DGKG: variants seen among roughly 807,000 people sequenced by gnomAD.
The protein encoded by DGKG is DAG kinase gamma.
In DGKG, 78 loss-of-function variants were observed where a neutral mutation model predicts 105.3. The observed-to-expected ratio is 0.74, with a 90% confidence interval of 0.62 to 0.89. The LOEUF (loss-of-function observed/expected upper bound fraction) is 0.89. Ranked by LOEUF, DGKG falls within the 40% of genes least tolerant of loss-of-function variation. The pLI, the probability that DGKG is intolerant of heterozygous loss-of-function variation, is 0.00. For synonymous variants in DGKG, 346 were observed against 367.1 expected (o/e 0.94, Z 0.66); for missense variants, 958 against 1,020.1 (o/e 0.94, Z 0.83).
intron 1 of DGKG, among the ~76,000 whole-genome samples, chr3:186,329,116 C>A (rs190325800): frequency 6.6e-6 from 1 of 152,134 alleles, no homozygotes; most frequent in African/African-American, 2.4e-5. Flanking sequence ...ATTACCACCC[C>A]AAGCATCTTT....
chr3:186,217,828 G>A (rs996929555), intron 20 of DGKG, among the ~76,000 whole-genome samples: 1 of 152,198 alleles, frequency 6.6e-6, no homozygotes, highest in Non-Finnish European at 1.5e-5. Flanking sequence ...GGCTTTTGAA[G>A]TTGTCAAAAC....
intron 2 of DGKG, among the ~76,000 whole-genome samples, chr3:186,318,501 T>C (rs1298289208): frequency 6.6e-6 from 1 of 152,206 alleles, no homozygotes; most frequent in Non-Finnish European, 1.5e-5. Flanking sequence ...TGTGTTGAAG[T>C]TCCATCCCTC....
chr3:186,296,599 G>C (rs897949711), intron 5 of DGKG, among the ~76,000 whole-genome samples: 4 of 152,230 alleles, frequency 2.6e-5, no homozygotes, highest in Non-Finnish European at 5.9e-5. Context: ...TGGGCAGCAG[G>C]CACCACTACA....
At chr3:186,310,281 A>C (rs917369275) in intron 2 of DGKG, among the ~76,000 whole-genome samples, 2 of 149,302 alleles carry the variant, frequency 1.3e-5, no homozygotes, top group African/African-American at 4.9e-5. Context: ...AAAAAAAAAA[A>C]AAAAAAAACC....
At chr3:186,191,862 T>A (rs2284842) in intron 21 of DGKG, among the ~76,000 whole-genome samples, 85 of 152,142 alleles carry the variant, frequency 5.6e-4, no homozygotes, top group African/African-American at 1.9e-3. Context: ...AAACAAAAAC[T>A]GACTCCTTTT....
At position 186,298,080 on chromosome 3, in the gene DGKG, A is replaced by T; in HGVS notation, c.294T>A (p.Ser98Arg). The T allele has an allele frequency of 1.2e-6, 2 of 1,611,552 alleles. No homozygotes were observed. The highest frequency in any genetic ancestry group is 1.7e-6 in the Non-Finnish European group (2 of 1,178,938). ...SDHPTEGASN[S>R]EANSADTNIQ... ...TCTGTGTACCTGCGCTGTTGGCCTC[A>T]CTGTTGCTGGCTCCCTCCGTCGGGT... Residue 98 changes from serine (S) to arginine (R), a missense_variant, in exon 4 of 25, where the codon AGT becomes AGA. Ser to Arg is a moderately radical substitution (Grantham distance 110). Transcript: ENST00000265022.
chr3:186,148,862 G>C lies in DGKG; in HGVS notation c.*1228C>G, dbSNP rs773425963. On this transcript the variant is annotated 3_prime_UTR_variant, in exon 25 of 25. Coordinates refer to ENST00000265022, the MANE Select transcript of DGKG (RefSeq NM_001346.3). ...CGTCCTGACAATGAAACGGTGGAGT[G>C]GGGGAGTGAGAACCTTCTTTTTCCT... The C allele has an allele frequency of 4.1e-6, 4 of 984,408 alleles. No homozygotes were observed. Among genetic ancestry groups the C allele is most frequent in the East Asian group, 1.1e-4 (1 of 8,796 alleles). 61.0% of individuals were successfully genotyped at this position (984,408 alleles called of 1,614,324 possible).
At position 186,229,641 on chromosome 3, in the gene DGKG, A is replaced by G. The variant is rs556757074; in HGVS notation, c.1826+12863T>C. Among the ~76,000 whole-genome samples the G allele has an allele frequency of 1.5e-3, 229 of 152,298 alleles. 2 individuals are homozygous for G. The highest frequency in any genetic ancestry group is 5.3e-3 in the African/African-American group (222 of 41,562). On this transcript the variant is annotated intron_variant, in intron 20 of 24. Transcript: ENST00000265022. ...TTATGGCAGCCCAGGACACTGATAT[A>G]GTTGGTATTAACTTCTGTATGTGCT...
intron 2 of DGKG, among the ~76,000 whole-genome samples, chr3:186,316,032 G>A (rs1724802261): frequency 2.0e-5 from 3 of 152,364 alleles, no homozygotes; most frequent in East Asian, 3.9e-4. Flanking sequence ...GAGAGGCCCT[G>A]GAAGACAAGA....
intron 3 of DGKG, among the ~76,000 whole-genome samples, chr3:186,304,080 G>A (rs1169282720): frequency 1.3e-5 from 2 of 152,194 alleles, no homozygotes; most frequent in South Asian, 2.1e-4. Context: ...AGGCGAGGGC[G>A]GCTGCGTGCT....
chr3:186,330,140 T>C (rs1275787997), intron 1 of DGKG, among the ~76,000 whole-genome samples: 1 of 152,196 alleles, frequency 6.6e-6, no homozygotes, highest in Non-Finnish European at 1.5e-5. Context: ...TGCAGTACAA[T>C]TGTTGATAGT....
chr3:186,262,087 G>T, intron 14 of DGKG: 1 of 257,022 alleles, frequency 3.9e-6, no homozygotes, highest in African/African-American at 2.3e-5. Context: ...GAAATTTTGT[G>T]GGAGACACAG....
At chr3:186,156,922 A>G (rs947268774) in intron 24 of DGKG, among the ~76,000 whole-genome samples, 5 of 152,140 alleles carry the variant, frequency 3.3e-5, no homozygotes, top group South Asian at 4.1e-4. Flanking sequence ...TATGTTCATA[A>G]TCATACCACC....
In DGKG at chr3:186,148,267, C is replaced by T. The variant is rs956238431; in HGVS notation, c.*1823G>A. 18 of 985,326 alleles carry T rather than the reference C, an allele frequency of 1.8e-5. No individual in the cohort carries two copies. Among genetic ancestry groups the T allele is most frequent in the South Asian group, 1.4e-4 (3 of 21,290 alleles). 61.0% of individuals were successfully genotyped at this position (985,326 alleles called of 1,614,324 possible). On this transcript the variant is annotated 3_prime_UTR_variant, in exon 25 of 25. Coordinates refer to ENST00000265022, the MANE Select transcript of DGKG (RefSeq NM_001346.3). ...CTGGCTGGCAGTATCTTGCAGAAGA[C>T]GCCTCAGTCCTTCTTGTGACTCTCC...
Position 186,148,064 on chromosome 3 carries a change from A to G in DGKG, c.*2026T>C, listed in dbSNP as rs1715583589. ...CTTCTTTGTCCAAAGCTCCTGTCCA[A>G]TGCAAGATTAGAGGCAGCTCAGTGG... is the stretch of plus-strand genomic sequence containing the variant. On this transcript the variant is annotated 3_prime_UTR_variant, in exon 25 of 25. Coordinates refer to ENST00000265022, the MANE Select transcript of DGKG (RefSeq NM_001346.3). 2.0e-5 allele frequency: 20 copies of G among 985,410 alleles called. No homozygotes were observed. Among genetic ancestry groups the G allele is most frequent in the Non-Finnish European group, 2.4e-5 (20 of 829,942 alleles). The allele number at this position is 985,410 out of a possible 1,614,324, so 61.0% of individuals were successfully genotyped here.
At chr3:186,198,564 G>A (rs965337405) in intron 21 of DGKG, among the ~76,000 whole-genome samples, 2 of 152,180 alleles carry the variant, frequency 1.3e-5, no homozygotes, top group Non-Finnish European at 2.9e-5. Context: ...GTGCTTAACA[G>A]CAGACTCCCT....
chr3:186,243,732 G>C (rs1005698035), intron 19 of DGKG, among the ~76,000 whole-genome samples: 1 of 152,124 alleles, frequency 6.6e-6, no homozygotes, highest in Non-Finnish European at 1.5e-5. Context: ...GAGATGGGGG[G>C]TGACACAGAA....
chr3:186,353,412 G>A (rs1726730962), intron 1 of DGKG, among the ~76,000 whole-genome samples: 1 of 151,928 alleles, frequency 6.6e-6, no homozygotes, highest in East Asian at 1.9e-4. Context: ...CCAGCTACTC[G>A]AGAGGTTGAG....
chr3:186,164,132 T>C (rs765865173), intron 23 of DGKG, among the ~76,000 whole-genome samples: 3 of 152,152 alleles, frequency 2.0e-5, no homozygotes, highest in Admixed American at 6.5e-5. Context: ...AGTTCTGTGG[T>C]CAAATACCTT....
Sources: gnomAD v4.1 joint callset for allele counts (sites outside exome capture counted in the v4.1 genomes callset) on GRCh38, gnomAD v4.1.1 for gene constraint, MANE v1.5 for transcripts, NCBI Gene and HGNC (gene_info 2026-07-23, HGNC 2026-07-21) for gene names.